The following CEP295 variants were observed in gnomAD, a reference collection of about 807,000 sequenced individuals.
CEP295 encodes centrosomal protein of 295 kDa.
A neutral mutation model predicts 291.6 loss-of-function variants in CEP295; 190 were observed. That is an observed-to-expected ratio of 0.65 (90% CI 0.58 to 0.73). The LOEUF (loss-of-function observed/expected upper bound fraction) is 0.73. Ranked by LOEUF, CEP295 falls within the 30% of genes least tolerant of loss-of-function variation. The probability of loss-of-function intolerance (pLI) is 0.00; values close to 1 mark genes in which losing one functional copy is unlikely to be tolerated. For missense variants in CEP295, 2,863 were observed against 2,949.4 expected (o/e 0.97, Z 0.68); for synonymous variants, 993 against 1,038.8 (o/e 0.96, Z 0.85).
chr11:93,709,416 G>A (rs948701944), intron 18 of CEP295, among the ~76,000 whole-genome samples: 1 of 152,132 alleles, frequency 6.6e-6, no homozygotes, highest in Non-Finnish European at 1.5e-5. Context: ...ATTCCCCCAT[G>A]TACGTTCTTG....
intron 18 of CEP295, among the ~76,000 whole-genome samples, chr11:93,712,748 C>T (rs1351713016): frequency 6.6e-6 from 1 of 151,852 alleles, no homozygotes; most frequent in Non-Finnish European, 1.5e-5. Context: ...GAGTTTAGTC[C>T]ATTTACATTG....
intron 18 of CEP295, among the ~76,000 whole-genome samples, chr11:93,709,647 A>C (rs1952760904): frequency 6.6e-6 from 1 of 152,062 alleles, no homozygotes; most frequent in South Asian, 2.1e-4. Context: ...GTTCCATATA[A>C]ATTTTAAGAT....
chr11:93,691,044 C>T (rs1003236217), intron 10 of CEP295, among the ~76,000 whole-genome samples: 2 of 152,134 alleles, frequency 1.3e-5, no homozygotes, highest in African/African-American at 4.8e-5. Context: ...TTGTATAACC[C>T]TTCACTTTTC....
At position 93,723,270 on chromosome 11, in the gene CEP295, T is replaced by A. The variant is rs947976452; in HGVS notation, c.6177T>A (p.Pro2059=). ...DKYINEANLI[P]EKTDLQELEH... ...ACATTAATGAAGCAAATTTGATACC[T>A]GAAAAAACAGATTTGCAAGGTAAAA... Residue 2059 remains proline, a synonymous_variant, in exon 21 of 30, where the codon CCT becomes CCA. Transcript: ENST00000325212. 7.9e-6 allele frequency: 12 copies of A among 1,513,554 alleles called. No homozygotes were observed. The highest frequency in any genetic ancestry group is 1.7e-4 in the Middle Eastern group (1 of 5,832). The allele number at this position is 1,513,554 out of a possible 1,614,324, so 93.8% of individuals were successfully genotyped here. A position where few individuals can be genotyped will look rare whatever the true frequency, so the allele number is the denominator to read the frequency against.
chr11:93,725,950 G>A, intron 23 of CEP295, 119 bp downstream of exon 23: 2 of 709,096 alleles, frequency 2.8e-6, no homozygotes, highest in South Asian at 1.9e-5. Context: ...CCCTATCCTG[G>A]GTGTTAAAAA....
intron 23 of CEP295, among the ~76,000 whole-genome samples, chr11:93,726,036 G>A (rs1954106536): frequency 6.6e-6 from 1 of 152,056 alleles, no homozygotes; most frequent in Non-Finnish European, 1.5e-5. Flanking sequence ...GAAAAGTGTT[G>A]CCTCTTGTTC....
At position 93,683,966 on chromosome 11, in the gene CEP295, G is replaced by A. The variant is rs1565445741; in HGVS notation, c.952G>A (p.Val318Met). Residue 318 changes from valine (V) to methionine (M), a missense_variant and splice_region_variant, in exon 9 of 30, where the codon GTG becomes ATG. Transcript: ENST00000325212. ...FEDMYNADRK[V>M]KGNLILHLEP... ...TGTCTCTATTTTTCTTTTTTAAGAG[G>A]TGAAAGGGAATCTGATTCTGCACCT... 1.3e-6 allele frequency: 2 copies of A among 1,546,478 alleles called. No homozygotes were observed. The highest frequency in any genetic ancestry group is 1.2e-5 in the South Asian group (1 of 83,200).
At chr11:93,723,549 G>A (rs628916) in intron 21 of CEP295, 274,914 of 290,198 alleles carry the variant, frequency 0.95, 131,357 homozygotes, top group Non-Finnish European at 0.99. Flanking sequence ...CGGCTGAGGC[G>A]GTATTACTGA....
At chr11:93,727,720 T>G in intron 24 of CEP295, 83 bp downstream of exon 24, 1 of 1,079,300 alleles carries the variant, frequency 9.3e-7, no homozygotes, top group Non-Finnish European at 1.3e-6. Context: ...AGAGATGAAG[T>G]TCCCACTATG....
Position 93,667,760 on chromosome 11 carries a change from GC to G in CEP295, c.263del (p.Ala88GlufsTer3). ...KIQNLEKLYL[A>X]SLRSMGEGHR... Reference sequence around the variant, plus strand: ...ACAGAACTTGGAAAAACTGTATTTGGCAAGTTTAAGAAGTATGGGAGAGGGA... The same window carrying G: ...ACAGAACTTGGAAAAACTGTATTTGGAAGTTTAAGAAGTATGGGAGAGGGA... On this transcript the variant is annotated frameshift_variant, in exon 3 of 30. Transcript: ENST00000325212. LOFTEE classifies it high-confidence loss of function. 1 of 1,551,396 alleles carries G rather than the reference GC, an allele frequency of 6.4e-7. No individual in the cohort carries two copies. The highest frequency in any genetic ancestry group is 8.7e-7 in the Non-Finnish European group (1 of 1,146,830).
At chr11:93,663,347 A>C (rs1250826217) in intron 1 of CEP295, among the ~76,000 whole-genome samples, 1 of 152,176 alleles carries the variant, frequency 6.6e-6, no homozygotes, top group Non-Finnish European at 1.5e-5. Context: ...TGTAACTTTT[A>C]TCAGCTCCCT....
Position 93,698,147 on chromosome 11 carries a change from G to A in CEP295, c.3235G>A (p.Val1079Met). Residue 1079 changes from valine to methionine, a missense_variant, in exon 15 of 30, where the codon GTG becomes ATG. Transcript: ENST00000325212. The stretch of plus-strand genomic sequence containing the variant: ...TCTTCAGGCTAGGCATGAAGCTCAG[G>A]TGGAATTACTTTTACATAGACAAAG... ...DTLQARHEAQ[V>M]ELLLHRQRDL... The A allele has an allele frequency of 6.4e-7, 1 of 1,552,226 alleles. No homozygotes were observed. The highest frequency in any genetic ancestry group is 8.7e-7 in the Non-Finnish European group (1 of 1,147,110).
At chr11:93,680,634 A>C (rs1172753594) in intron 7 of CEP295, among the ~76,000 whole-genome samples, 1 of 152,206 alleles carries the variant, frequency 6.6e-6, no homozygotes, top group Non-Finnish European at 1.5e-5. Flanking sequence ...CTGGTGACAG[A>C]GTGAGATTCT....
chr11:93,678,108 A>C (rs1466706967), intron 6 of CEP295, among the ~76,000 whole-genome samples: 1 of 152,016 alleles, frequency 6.6e-6, no homozygotes, highest in Non-Finnish European at 1.5e-5. Context: ...GCTATTTTGA[A>C]ATTTTTCCTT....
At chr11:93,723,548 C>A in intron 21 of CEP295, 1 of 313,564 alleles carries the variant, frequency 3.2e-6, no homozygotes, top group Non-Finnish European at 5.9e-6. Flanking sequence ...ACGGCTGAGG[C>A]GGTATTACTG....
chr11:93,712,394 C>T (rs1952966801), intron 18 of CEP295, among the ~76,000 whole-genome samples: 1 of 152,150 alleles, frequency 6.6e-6, no homozygotes, highest in African/African-American at 2.4e-5. Context: ...GCTTGGATTA[C>T]AGGCATGCGC....
At chr11:93,672,717 A>G (rs1950510454) in intron 5 of CEP295, among the ~76,000 whole-genome samples, 1 of 152,256 alleles carries the variant, frequency 6.6e-6, no homozygotes, top group Non-Finnish European at 1.5e-5. Flanking sequence ...AGGCTGGAAG[A>G]TAGAACACAG....
At chr11:93,723,576 C>T in intron 21 of CEP295, 1 of 233,062 alleles carries the variant, frequency 4.3e-6, no homozygotes, top group Non-Finnish European at 8.4e-6. Flanking sequence ...AGAGCAGGAG[C>T]TCAGAAATCA....
At chr11:93,709,466 A>G (rs1482034103) in intron 18 of CEP295, among the ~76,000 whole-genome samples, 1 of 152,046 alleles carries the variant, frequency 6.6e-6, no homozygotes, top group Non-Finnish European at 1.5e-5. Flanking sequence ...AATGTATGAA[A>G]TTGTTCCTGT....
Sources: gnomAD v4.1 joint callset for allele counts (sites outside exome capture counted in the v4.1 genomes callset) on GRCh38, gnomAD v4.1.1 for gene constraint, MANE v1.5 for transcripts, NCBI Gene and HGNC (gene_info 2026-07-23, HGNC 2026-07-21) for gene names.